DACH1: variants seen among roughly 807,000 people sequenced by gnomAD.
The protein encoded by DACH1 is dachshund family transcription factor 1.
A neutral mutation model predicts 54.2 loss-of-function variants in DACH1; 12 were observed. That is an observed-to-expected ratio of 0.22 (90% CI 0.14 to 0.36). The LOEUF (loss-of-function observed/expected upper bound fraction) is 0.36. Among genes scored for constraint, DACH1 ranks in the 10% least tolerant of loss-of-function variants. The pLI, the probability that DACH1 is intolerant of heterozygous loss-of-function variation, is 1.00. For synonymous variants in DACH1, 386 were observed against 366.2 expected, an observed-to-expected ratio of 1.05 and a Z score of -0.62; for missense variants, 805 against 929.8, an observed-to-expected ratio of 0.87 and a Z score of 1.75.
chr13:71,834,926 T>C (rs1035383373), intron 1 of DACH1, among the ~76,000 whole-genome samples: 9 of 152,056 alleles, frequency 5.9e-5, no homozygotes, highest in Non-Finnish European at 1.3e-4. Context: ...CTTCTCCCTT[T>C]TCCCACATTT....
At chr13:71,696,175 G>C (rs1003063474) in intron 1 of DACH1, among the ~76,000 whole-genome samples, 3 of 152,074 alleles carry the variant, frequency 2.0e-5, no homozygotes, top group African/African-American at 7.2e-5. Flanking sequence ...GTTCCTATGT[G>C]ACACACCTGC....
intron 1 of DACH1, among the ~76,000 whole-genome samples, chr13:71,864,391 T>C (rs543452729): frequency 6.6e-6 from 1 of 152,152 alleles, no homozygotes; most frequent in South Asian, 2.1e-4. Context: ...AGAGAAGAAG[T>C]CTTTCTCCAT....
At chr13:71,475,629 A>G in intron 9 of DACH1, 77 bp downstream of exon 9, 1 of 1,476,324 alleles carries the variant, frequency 6.8e-7, no homozygotes. Flanking sequence ...AACATACAAA[A>G]CTACAAACAC....
intron 1 of DACH1, among the ~76,000 whole-genome samples, chr13:71,739,266 G>T (rs1455393405): frequency 6.6e-6 from 1 of 151,502 alleles, no homozygotes; most frequent in Non-Finnish European, 1.5e-5. Flanking sequence ...TCAAAAAAAA[G>T]AAAAAAAGAA....
intron 3 of DACH1, among the ~76,000 whole-genome samples, chr13:71,625,803 T>C (rs1876600444): frequency 6.6e-6 from 1 of 152,018 alleles, no homozygotes; most frequent in Admixed American, 6.6e-5. Flanking sequence ...ACTAAAGTCT[T>C]ACAAGTACTT....
chr13:71,678,932 T>A (rs185254363), intron 2 of DACH1, among the ~76,000 whole-genome samples: 1 of 152,216 alleles, frequency 6.6e-6, no homozygotes, highest in African/African-American at 2.4e-5. Context: ...AGTGCTGGGA[T>A]TGTAGGCCTG....
chr13:71,692,452 GTTTGCC>G (rs1397666212), intron 1 of DACH1, among the ~76,000 whole-genome samples: 1 of 125,400 alleles, frequency 8.0e-6, no homozygotes, highest in Non-Finnish European at 1.7e-5. Flanking sequence ...ATCATGATTT[GTTTGCC>G]TGTGTTATTT....
intron 6 of DACH1, among the ~76,000 whole-genome samples, chr13:71,507,566 T>C (rs1370415133): frequency 6.6e-6 from 1 of 152,188 alleles, no homozygotes; most frequent in Non-Finnish European, 1.5e-5. Flanking sequence ...CTAGTCACTC[T>C]AGAAATATTT....
intron 6 of DACH1, among the ~76,000 whole-genome samples, chr13:71,536,802 A>G (rs751503812): frequency 3.9e-5 from 6 of 152,034 alleles, no homozygotes; most frequent in Middle Eastern, 3.2e-3. Context: ...TTTCCCCATT[A>G]TCAAATTCCT....
chr13:71,619,241 G>C (rs1210666646), intron 3 of DACH1, among the ~76,000 whole-genome samples: 1 of 151,816 alleles, frequency 6.6e-6, no homozygotes, highest in Non-Finnish European at 1.5e-5. Context: ...GAGAGCAAAG[G>C]ATTAAAATTC....
chr13:71,618,028 G>A (rs55908924), intron 3 of DACH1, among the ~76,000 whole-genome samples: 15,982 of 152,072 alleles, frequency 0.11, 1,561 homozygotes, highest in East Asian at 0.44. Context: ...ACAGTCAACC[G>A]TAAGTGACTA....
chr13:71,842,668 G>A (rs1187354680), intron 1 of DACH1, among the ~76,000 whole-genome samples: 1 of 151,746 alleles, frequency 6.6e-6, no homozygotes, highest in Non-Finnish European at 1.5e-5. Context: ...TCCAAGGAGA[G>A]TTGGAAATAA....
rs1884475448 is a variant in DACH1, at chr13:71,559,837, C to A, written c.1418G>T (p.Ser473Ile). Residue 473 changes from serine (S) to isoleucine (I), a missense_variant, in exon 5 of 11, where the codon AGC (serine) becomes ATC (isoleucine). Physicochemically the swap from Ser to Ile is moderately radical, Grantham distance 142. Transcript: ENST00000613252. ...SVSSSPARTE[S>I]SSDRIPVHQN... is the part of the protein sequence containing the mutation. ...AGACCTACGGATTCTGTCAGAAGAG[C>A]TCTCAGTCCGAGCAGGGGAGCTGGA... 1 of 1,613,692 alleles carries A rather than the reference C, an allele frequency of 6.2e-7. No homozygotes were observed. Among genetic ancestry groups the A allele is most frequent in the Non-Finnish European group, 8.5e-7 (1 of 1,179,866 alleles).
At chr13:71,645,199 A>G (rs1248094352) in intron 2 of DACH1, among the ~76,000 whole-genome samples, 1 of 152,174 alleles carries the variant, frequency 6.6e-6, no homozygotes, top group South Asian at 2.1e-4. Context: ...CGGAAGAGCA[A>G]TTGATAAACA....
intron 1 of DACH1, among the ~76,000 whole-genome samples, chr13:71,846,515 A>G (rs1415994304): frequency 2.6e-5 from 4 of 152,084 alleles, no homozygotes; most frequent in African/African-American, 9.7e-5. Flanking sequence ...GGTGACACAC[A>G]CCTACTCAGG....
chr13:71,657,572 C>CAGAT (rs1566411648), intron 2 of DACH1, among the ~76,000 whole-genome samples: 1 of 15,140 alleles, frequency 6.6e-5, no homozygotes, highest in African/African-American at 1.9e-4. Flanking sequence ...GACCCTGTCT[C>CAGAT]AAATAAAAAA....
chr13:71,668,253 C>T (rs1879979263), intron 2 of DACH1, among the ~76,000 whole-genome samples: 1 of 151,998 alleles, frequency 6.6e-6, no homozygotes, highest in Admixed American at 6.6e-5. Flanking sequence ...TAATAACTTA[C>T]ATTTGCATAG....
intron 10 of DACH1, among the ~76,000 whole-genome samples, chr13:71,472,524 G>GA (rs1158293794): frequency 6.6e-6 from 1 of 152,132 alleles, no homozygotes; most frequent in Non-Finnish European, 1.5e-5. Context: ...AAAAATACAT[G>GA]AAAAAATTAA....
intron 1 of DACH1, among the ~76,000 whole-genome samples, chr13:71,721,542 T>C (rs1883230055): frequency 6.6e-6 from 1 of 152,274 alleles, no homozygotes; most frequent in East Asian, 1.9e-4. Context: ...AGGCTTCTGA[T>C]AGCAATGTCA....
Sources: gnomAD v4.1 joint callset for allele counts (sites outside exome capture counted in the v4.1 genomes callset) on GRCh38, gnomAD v4.1.1 for gene constraint, MANE v1.5 for transcripts, NCBI Gene and HGNC (gene_info 2026-07-23, HGNC 2026-07-21) for gene names.